LIMS1: variants seen among roughly 807,000 people sequenced by gnomAD.
LIMS1 encodes LIM zinc finger domain containing 1.
A neutral mutation model predicts 44.1 loss-of-function variants in LIMS1; 18 were observed. That is an observed-to-expected ratio of 0.41 (90% CI 0.28 to 0.61). LIMS1 has a LOEUF of 0.61. Among genes scored for constraint, LIMS1 ranks in the 20% least tolerant of loss-of-function variants. The probability of loss-of-function intolerance (pLI) is 0.32; values close to 1 mark genes in which losing one functional copy is unlikely to be tolerated. For missense variants in LIMS1, 201 were observed against 422.0 expected (o/e 0.48, Z 4.59); for synonymous variants, 93 against 149.1 (o/e 0.62, Z 2.74).
intron 1 of LIMS1, among the ~76,000 whole-genome samples, chr2:108,587,003 T>A (rs75081235): frequency 6.6e-6 from 1 of 152,184 alleles, no homozygotes; most frequent in Non-Finnish European, 1.5e-5. Flanking sequence ...CAGTATTGTG[T>A]GAGAGCTCCC....
intron 1 of LIMS1, among the ~76,000 whole-genome samples, chr2:108,553,559 A>AAAAAC: frequency 6.6e-6 from 1 of 152,212 alleles, no homozygotes; most frequent in East Asian, 1.9e-4. Context: ...AGAAATAATG[A>AAAAAC]TAGTTTTTCA....
rs114797189 is a variant in LIMS1 at position 108,535,405 on chromosome 2, G to A, written c.32+811G>A. Reference sequence around the variant, plus strand: ...GTCAGCGGACTTTTCACACAGTTTCGTTAAAATTCCTTGGTCTGTCTTGCA... The same window carrying A: ...GTCAGCGGACTTTTCACACAGTTTCATTAAAATTCCTTGGTCTGTCTTGCA... On this transcript the variant is annotated intron_variant, in intron 1 of 9. Coordinates refer to ENST00000544547, the Ensembl canonical transcript of LIMS1. Among the ~76,000 whole-genome samples the A allele has an allele frequency of 1.2e-3, 188 of 152,320 alleles. 1 individual carries two copies. Among genetic ancestry groups the A allele is most frequent in the African/African-American group, 4.3e-3 (177 of 41,576 alleles).
At chr2:108,581,884 C>A (rs1294444980) in intron 1 of LIMS1, among the ~76,000 whole-genome samples, 1 of 151,578 alleles carries the variant, frequency 6.6e-6, no homozygotes, top group South Asian at 2.1e-4. Context: ...TTGCAGTGAG[C>A]CAAGATTGTG....
chr2:108,667,413 G>A (rs2378207), intron 2 of LIMS1, among the ~76,000 whole-genome samples: 124 of 151,988 alleles, frequency 8.2e-4, no homozygotes, highest in East Asian at 3.7e-3. Context: ...GATTTTGAAC[G>A]CAGGCAGTCT....
chr2:108,623,414 A>T (rs984003202), intron 1 of LIMS1, among the ~76,000 whole-genome samples: 5 of 152,060 alleles, frequency 3.3e-5, no homozygotes, highest in African/African-American at 7.2e-5. Flanking sequence ...TTCTTTTTTT[A>T]AAAAAATAAG....
At chr2:108,668,125 G>GTA (rs1446367466) in intron 2 of LIMS1, among the ~76,000 whole-genome samples, 3 of 152,026 alleles carry the variant, frequency 2.0e-5, no homozygotes, top group Non-Finnish European at 4.4e-5. Context: ...TTCAATACAT[G>GTA]TATACATTGT....
At chr2:108,611,178 T>TAATAC (rs1161163035) in intron 1 of LIMS1, among the ~76,000 whole-genome samples, 1 of 152,220 alleles carries the variant, frequency 6.6e-6, no homozygotes, top group African/African-American at 2.4e-5. Context: ...GTAATAACTG[T>TAATAC]ATAGTAAGTT....
chr2:108,643,326 A>C (rs1475337589), intron 1 of LIMS1, among the ~76,000 whole-genome samples: 10 of 152,218 alleles, frequency 6.6e-5, no homozygotes, highest in African/African-American at 2.4e-4. Context: ...CTGGTTGGAC[A>C]GTGGGTGCAG....
chr2:108,621,303 C>T (rs1407155960), intron 1 of LIMS1: 79 of 1,546,568 alleles, frequency 5.1e-5, no homozygotes, highest in Non-Finnish European at 5.9e-5. Flanking sequence ...GGCAGCCACA[C>T]TGCTGAGCAT....
At chr2:108,619,460 G>A (rs769325710) in intron 1 of LIMS1, among the ~76,000 whole-genome samples, 18 of 151,712 alleles carry the variant, frequency 1.2e-4, no homozygotes, top group Admixed American at 2.0e-4. Context: ...GAGGCAGTTC[G>A]ATCACTTGAG....
At chr2:108,659,894 G>A in intron 2 of LIMS1, 130 bp downstream of exon 2, 4 of 1,272,964 alleles carry the variant, frequency 3.1e-6, no homozygotes, top group Non-Finnish European at 4.5e-6. Context: ...TGCATGCCAG[G>A]TATTTGATAG....
rs573983338 is a variant in LIMS1 at position 108,660,316 on chromosome 2, A to G, written c.192+552A>G. 2,200 of 467,240 alleles carry G rather than the reference A, an allele frequency of 4.7e-3. 30 individuals are homozygous for G. The highest frequency in any genetic ancestry group is 0.042 in the African/African-American group (2,077 of 49,710). The allele number at this position is 467,240 out of a possible 1,614,324, so 28.9% of individuals were successfully genotyped here. A position where few individuals can be genotyped will look rare whatever the true frequency, so the allele number is the denominator to read the frequency against. ...CTACATTTAGCTCTCCTGGGTGTCTATGTTCTTTTCTAAATATTTGTTTTT... is the reference window on the plus strand; with the variant it reads ...CTACATTTAGCTCTCCTGGGTGTCTGTGTTCTTTTCTAAATATTTGTTTTT... On this transcript the variant is annotated intron_variant, in intron 2 of 9. Coordinates refer to ENST00000544547, the Ensembl canonical transcript of LIMS1.
At chr2:108,636,106 G>T (rs137948086) in intron 1 of LIMS1, among the ~76,000 whole-genome samples, 1 of 152,208 alleles carries the variant, frequency 6.6e-6, no homozygotes, top group African/African-American at 2.4e-5. Context: ...AGGAATAGCC[G>T]CTGTAAGGAG....
At chr2:108,551,821 TATAC>T (rs1200786114) in intron 1 of LIMS1, among the ~76,000 whole-genome samples, 5 of 146,468 alleles carry the variant, frequency 3.4e-5, no homozygotes, top group African/African-American at 1.2e-4. Flanking sequence ...TGATATACAA[TATAC>T]ATATATACAC....
chr2:108,651,135 A>G (rs1227076104), intron 1 of LIMS1, among the ~76,000 whole-genome samples: 1 of 152,142 alleles, frequency 6.6e-6, no homozygotes, highest in Non-Finnish European at 1.5e-5. Flanking sequence ...GTTTACTCCC[A>G]CCATTGCAGT....
At chr2:108,564,242 A>G (rs530428036) in intron 1 of LIMS1, among the ~76,000 whole-genome samples, 1 of 152,140 alleles carries the variant, frequency 6.6e-6, no homozygotes. Flanking sequence ...GCAATAAAGT[A>G]TTTTAAAATT....
chr2:108,611,854 TACACAC>T (rs1553459759), intron 1 of LIMS1, among the ~76,000 whole-genome samples: 14 of 125,190 alleles, frequency 1.1e-4, no homozygotes, highest in South Asian at 5.1e-4. Flanking sequence ...TATATATATA[TACACAC>T]ATATATATAC....
In LIMS1 at chr2:108,612,095, G is replaced by GT. The variant is rs377733355; in HGVS notation, c.33-47504dup. On this transcript the variant is annotated intron_variant, in intron 1 of 9. Coordinates refer to ENST00000544547, the Ensembl canonical transcript of LIMS1. ...ACATATATATATGCCCTAAGAGTGA[G>GT]TTTTTTCTCTTGGCAGGGGTTCTTG... Among the ~76,000 whole-genome samples the GT allele has an allele frequency of 1.9e-3, 290 of 149,226 alleles. 3 individuals are homozygous for GT. The highest frequency in any genetic ancestry group is 6.8e-3 in the African/African-American group (277 of 40,448).
chr2:108,644,561 A>C (rs1452955046), intron 1 of LIMS1, among the ~76,000 whole-genome samples: 1 of 152,174 alleles, frequency 6.6e-6, no homozygotes, highest in Non-Finnish European at 1.5e-5. Context: ...AAAAAGGCTG[A>C]AAATTCCAAA....
Sources: allele counts gnomAD v4.1 joint callset (sites outside exome capture counted in the v4.1 genomes callset), GRCh38; gene constraint gnomAD v4.1.1; transcripts MANE v1.5; gene names NCBI Gene and HGNC (gene_info 2026-07-23, HGNC 2026-07-21).